TNRC6A: variants seen among roughly 807,000 people sequenced by gnomAD.
The protein encoded by TNRC6A is trinucleotide repeat-containing gene 6A protein.
A neutral mutation model predicts 221.2 loss-of-function variants in TNRC6A; 44 were observed. The observed-to-expected ratio is 0.20, with a 90% CI of 0.16 to 0.26. The LOEUF (loss-of-function observed/expected upper bound fraction) is 0.26, where lower values mean the gene tolerates loss of function less well. TNRC6A is among the 10% of genes least tolerant of loss of function. The pLI is 1.00. For synonymous variants in TNRC6A, 847 were observed against 838.5 expected (o/e 1.01, Z -0.18); for missense variants, 2,199 against 2,404.4 (o/e 0.91, Z 1.79).
At chr16:24,659,995 G>C (rs1479107843) in intron 2 of TNRC6A, among the ~76,000 whole-genome samples, 1 of 152,042 alleles carries the variant, frequency 6.6e-6, no homozygotes, top group African/African-American at 2.4e-5. Context: ...GGAGAGGTGA[G>C]CTATAGTCAT....
intron 2 of TNRC6A, among the ~76,000 whole-genome samples, chr16:24,645,910 T>C (rs1902265134): frequency 6.9e-6 from 1 of 145,636 alleles, no homozygotes; most frequent in Admixed American, 7.0e-5. Context: ...TCCCAGCTAC[T>C]TGAGGGGCTG....
At chr16:24,687,324 A>T (rs922688428) in intron 2 of TNRC6A, among the ~76,000 whole-genome samples, 8 of 152,184 alleles carry the variant, frequency 5.3e-5, no homozygotes, top group African/African-American at 1.9e-4. Context: ...CTAAAGCCCA[A>T]GGAGGTGGAA....
At chr16:24,769,324 A>G (rs2057540909) in intron 4 of TNRC6A, among the ~76,000 whole-genome samples, 1 of 152,144 alleles carries the variant, frequency 6.6e-6, no homozygotes, top group Non-Finnish European at 1.5e-5. Context: ...TTTGGAACAC[A>G]GACTAGGAAA....
At position 24,816,736 on chromosome 16, in the gene TNRC6A, G is replaced by A. The variant is rs1384840448; in HGVS notation, c.4832-80G>A. On this transcript the variant is annotated intron_variant, in intron 19 of 24. Transcript: ENST00000395799. ...TATTTGAGAGTTGCATAGGATTCAG[G>A]AATAAAGGTTTTGGATATTTATTAA... 11 of 1,507,214 alleles carry A rather than the reference G, an allele frequency of 7.3e-6. No individual in the cohort carries two copies. In the East Asian group the frequency reaches 2.5e-4, roughly 34 times the overall value. 93.4% of individuals were successfully genotyped at this position (1,507,214 alleles called of 1,614,324 possible).
At chr16:24,763,085 CT>C (rs2151544815) in intron 4 of TNRC6A, among the ~76,000 whole-genome samples, 1 of 151,928 alleles carries the variant, frequency 6.6e-6, no homozygotes, top group South Asian at 2.1e-4. Context: ...TTTATTACAT[CT>C]TTGGTTGTTG....
chr16:24,616,870 G>A (rs1209511751), intron 1 of TNRC6A, among the ~76,000 whole-genome samples: 2 of 152,096 alleles, frequency 1.3e-5, no homozygotes, highest in Admixed American at 6.5e-5. Context: ...GCAGTGAGCC[G>A]AGATCATGCC....
At chr16:24,781,440 C>A (rs2057844000) in intron 5 of TNRC6A, among the ~76,000 whole-genome samples, 1 of 152,180 alleles carries the variant, frequency 6.6e-6, no homozygotes, top group South Asian at 2.1e-4. Context: ...TCTGTACTTG[C>A]AGTCTTTAAT....
At chr16:24,716,331 A>G (rs903629627) in intron 2 of TNRC6A, among the ~76,000 whole-genome samples, 2 of 152,162 alleles carry the variant, frequency 1.3e-5, no homozygotes, top group African/African-American at 2.4e-5. Context: ...AGTTCCAGTT[A>G]CTTCATGTTG....
chr16:24,695,525 C>G (rs371644695), intron 2 of TNRC6A, among the ~76,000 whole-genome samples: 208 of 152,138 alleles, frequency 1.4e-3, no homozygotes, highest in African/African-American at 4.8e-3. Flanking sequence ...TCAGCATCCT[C>G]AGTAGCTGGG....
At chr16:24,821,930 G>A in intron 22 of TNRC6A, 147 bp from the exon 23 acceptor site, 2 of 729,572 alleles carry the variant, frequency 2.7e-6, no homozygotes, top group South Asian at 1.8e-5. Context: ...GCTAGGGCGA[G>A]CTGAAATTCT....
At chr16:24,775,009 G>A (rs1252780912) in intron 4 of TNRC6A, among the ~76,000 whole-genome samples, 2 of 152,140 alleles carry the variant, frequency 1.3e-5, no homozygotes, top group African/African-American at 2.4e-5. Context: ...ATGGTTGGTT[G>A]AATCTGTGGG....
intron 1 of TNRC6A, among the ~76,000 whole-genome samples, chr16:24,634,238 A>T (rs1473792003): frequency 6.6e-6 from 1 of 151,994 alleles, no homozygotes; most frequent in Non-Finnish European, 1.5e-5. Context: ...GCCAGCCTAA[A>T]CTACATGGCA....
At chr16:24,642,286 G>A (rs1596578134) in intron 2 of TNRC6A, among the ~76,000 whole-genome samples, 1 of 152,336 alleles carries the variant, frequency 6.6e-6, no homozygotes, top group East Asian at 1.9e-4. Context: ...AAGTGGTGGT[G>A]TGGGGAGAAA....
At chr16:24,725,889 G>T (rs2056483143), upstream of TNRC6A, among the ~76,000 whole-genome samples, 1 of 151,642 alleles carries the variant, frequency 6.6e-6, no homozygotes, top group East Asian at 1.9e-4. Flanking sequence ...AATCCTAGCT[G>T]CTGGAGAGGC....
intron 5 of TNRC6A, among the ~76,000 whole-genome samples, chr16:24,780,454 T>C (rs920737122): frequency 6.6e-6 from 1 of 152,338 alleles, no homozygotes. Flanking sequence ...TATCTTCTGA[T>C]AGTTTATATC....
intron 1 of TNRC6A, among the ~76,000 whole-genome samples, chr16:24,623,968 C>G (rs1900823271): frequency 7.5e-6 from 1 of 133,976 alleles, no homozygotes; most frequent in South Asian, 2.4e-4. Context: ...AGCATTAAAG[C>G]AAATGGTTCT....
At chr16:24,674,421 T>A (rs1210524052) in intron 2 of TNRC6A, among the ~76,000 whole-genome samples, 1 of 152,000 alleles carries the variant, frequency 6.6e-6, no homozygotes, top group African/African-American at 2.4e-5. Flanking sequence ...TATATAGATA[T>A]ATAAATAAAA....
intron 11 of TNRC6A, among the ~76,000 whole-genome samples, chr16:24,801,449 G>A (rs1191354753): frequency 6.6e-6 from 1 of 152,086 alleles, no homozygotes; most frequent in Non-Finnish European, 1.5e-5. Flanking sequence ...GGACTGAGGG[G>A]AGATTGCCAC....
At chr16:24,611,093 A>G (rs774000437) in intron 1 of TNRC6A, among the ~76,000 whole-genome samples, 3 of 152,068 alleles carry the variant, frequency 2.0e-5, no homozygotes, top group Non-Finnish European at 2.9e-5. Context: ...GATTACAGGC[A>G]TCAACCCCTG....
Sources: gnomAD v4.1 joint callset for allele counts (sites outside exome capture counted in the v4.1 genomes callset) on GRCh38, gnomAD v4.1.1 for gene constraint, MANE v1.5 for transcripts, NCBI Gene and HGNC (gene_info 2026-07-23, HGNC 2026-07-21) for gene names.